GFM2: variants seen among roughly 807,000 people sequenced by gnomAD.
GFM2 encodes GTP dependent ribosome recycling factor mitochondrial 2.
Under a neutral mutation model 95.4 loss-of-function variants are expected in GFM2, and 72 were observed. The ratio of observed to expected loss-of-function variants is 0.76; its 90% CI spans 0.62 to 0.92. GFM2 has a LOEUF of 0.92. Ranked by LOEUF, GFM2 falls within the 40% of genes least tolerant of loss-of-function variation. The pLI, the probability that GFM2 is intolerant of heterozygous loss-of-function variation, is 0.00. For missense variants in GFM2, 825 were observed against 924.1 expected, an observed-to-expected ratio of 0.89 and a Z score of 1.39; for synonymous variants, 276 against 317.5, an observed-to-expected ratio of 0.87 and a Z score of 1.39.
chr5:74,728,751 T>TC (rs1282817638), intron 17 of GFM2, among the ~76,000 whole-genome samples: 1 of 90,256 alleles, frequency 1.1e-5, no homozygotes, highest in Non-Finnish European at 2.0e-5. Context: ...GGGGTTTCTT[T>TC]TTTTTTTTTT....
At chr5:74,759,216 G>GA (rs36114618) in intron 4 of GFM2, among the ~76,000 whole-genome samples, 153 bp downstream of exon 4, 3 of 150,498 alleles carry the variant, frequency 2.0e-5, no homozygotes, top group Non-Finnish European at 4.4e-5. Context: ...CATTAATTGA[G>GA]AAAAAATAGC....
intron 11 of GFM2, among the ~76,000 whole-genome samples, chr5:74,740,354 G>T (rs913230305): frequency 1.3e-5 from 2 of 152,032 alleles, no homozygotes; most frequent in African/African-American, 4.8e-5. Context: ...ATCCATATAA[G>T]CATTACCCCT....
At chr5:74,738,283 C>T in intron 14 of GFM2, 35 bp downstream of exon 14, 1 of 1,490,948 alleles carries the variant, frequency 6.7e-7, no homozygotes. Flanking sequence ...AATATTTAAG[C>T]TGTTATTTCC....
intron 19 of GFM2, among the ~76,000 whole-genome samples, chr5:74,724,692 T>C (rs900990310): frequency 6.6e-6 from 1 of 152,196 alleles, no homozygotes; most frequent in African/African-American, 2.4e-5. Context: ...GTTAGGGGTT[T>C]GGAATACTTA....
intron 8 of GFM2, 26 bp downstream of exon 8, chr5:74,747,666 A>G (rs1286113554): frequency 1.5e-6 from 2 of 1,357,636 alleles, no homozygotes; most frequent in Non-Finnish European, 2.1e-6. Context: ...TCACCCTGAT[A>G]AGCCAATGAA....
At chr5:74,736,453 T>C (rs533442758) in intron 15 of GFM2, 2 of 985,108 alleles carry the variant, frequency 2.0e-6, no homozygotes, top group African/African-American at 1.7e-5. Context: ...TTTTTATACA[T>C]GATGATGACA....
chr5:74,736,459 T>C (rs1331923317), intron 15 of GFM2: 3 of 985,084 alleles, frequency 3.0e-6, no homozygotes, highest in East Asian at 1.1e-4. Flanking sequence ...TACATGATGA[T>C]GACAAACTGA....
intron 17 of GFM2, among the ~76,000 whole-genome samples, chr5:74,726,543 C>T (rs1404726384): frequency 1.3e-5 from 2 of 152,110 alleles, no homozygotes; most frequent in East Asian, 3.8e-4. Context: ...ATCCTGACAA[C>T]CCACAAAATG....
intron 7 of GFM2, among the ~76,000 whole-genome samples, chr5:74,748,055 G>T (rs1010215811): frequency 6.6e-6 from 1 of 152,212 alleles, no homozygotes; most frequent in Non-Finnish European, 1.5e-5. Context: ...AACACCTCAG[G>T]AGGTACTGAG....
rs191778555 is a variant in GFM2 at position 74,735,234 on chromosome 5, C to T, written c.1510+1562G>A. Among the ~76,000 whole-genome samples the T allele has an allele frequency of 5.0e-4, 76 of 152,300 alleles. No individual in the cohort carries two copies. In the East Asian group the frequency reaches 0.014, roughly 27 times the overall value. Reference sequence around the variant, plus strand: ...AAAATTGCTGTTAGGCCCATTTTAACTTAAATGCTATTCCTTCAGCAAGTG... The same window carrying T: ...AAAATTGCTGTTAGGCCCATTTTAATTTAAATGCTATTCCTTCAGCAAGTG... On this transcript the variant is annotated intron_variant, in intron 15 of 20. Transcript: ENST00000296805.
At chr5:74,738,826 T>C (rs1742972722) in intron 12 of GFM2, among the ~76,000 whole-genome samples, 184 bp from the exon 13 acceptor site, 1 of 152,096 alleles carries the variant, frequency 6.6e-6, no homozygotes, top group Non-Finnish European at 1.5e-5. Flanking sequence ...GATCTTACCA[T>C]TAATTCCTCA....
chr5:74,742,889 A>G (rs558179876), intron 10 of GFM2, among the ~76,000 whole-genome samples: 2 of 152,188 alleles, frequency 1.3e-5, no homozygotes, highest in South Asian at 4.1e-4. Flanking sequence ...CGCTGGTCTC[A>G]AACTCCTGAC....
chr5:74,745,844 T>C lies in GFM2; in HGVS notation c.683A>G (p.Glu228Gly). 7 of 1,611,260 alleles carry C rather than the reference T, an allele frequency of 4.3e-6. No individual in the cohort carries two copies. The highest frequency in any genetic ancestry group is 5.9e-6 in the Non-Finnish European group (7 of 1,179,362). ...CACCACTCCTTTGAAAGTTTTGGCT[T>C]CACCAATTGGTAACTGTAAGTCAGA... is the stretch of plus-strand genomic sequence containing the variant. Reference protein sequence around the residue: ...KPLLLQLPIGEAKTFKGVVDV... With the variant: ...KPLLLQLPIGGAKTFKGVVDV... Residue 228 changes from glutamate to glycine, a missense_variant, in exon 10 of 21, where the codon GAA (glutamate) becomes GGA (glycine). Transcript: ENST00000296805.
chr5:74,737,012 C>T lies in GFM2; in HGVS notation c.1321-27G>A, dbSNP rs183890340. ...TGCAAGCAAACAAGATGACTTGGAA[C>T]GAAAGTGGCATTTAGCAAGCGCTCA... On this transcript the variant is annotated intron_variant, in intron 14 of 20. Coordinates refer to ENST00000296805, the MANE Select transcript of GFM2 (RefSeq NM_032380.5). 454 of 1,610,338 alleles carry T rather than the reference C, an allele frequency of 2.8e-4. 2 individuals carry two copies. In the East Asian group the frequency reaches 7.9e-3, roughly 28 times the overall value.
chr5:74,757,714 G>A (rs1175052646), intron 5 of GFM2, among the ~76,000 whole-genome samples: 1 of 111,820 alleles, frequency 8.9e-6, no homozygotes, highest in African/African-American at 3.5e-5. Flanking sequence ...GGGCAACAGA[G>A]CAAGAGCCTA....
In GFM2 at chr5:74,722,414, C is replaced by A; in HGVS notation, c.2176G>T (p.Val726Phe). The A allele has an allele frequency of 6.2e-7, 1 of 1,613,842 alleles. No individual in the cohort carries two copies. The highest frequency in any genetic ancestry group is 1.7e-4 in the Middle Eastern group (1 of 6,060). Residue 726 changes from valine (V) to phenylalanine (F), a missense_variant, in exon 20 of 21, where the codon GTT becomes TTT. Physicochemically the swap from Val to Phe is conservative, Grantham distance 50 (BLOSUM62 -1). Coordinates refer to ENST00000296805, the MANE Select transcript of GFM2 (RefSeq NM_032380.5). ...QEIQTRQDNKVVIGFVPLAEI... is the reference protein window; with the variant it reads ...QEIQTRQDNKFVIGFVPLAEI... ...GCTAAGGGAACAAATCCAATAACAA[C>A]TTTGTTGTCCTGGCGAGTCTGAATT...
At chr5:74,731,495 A>G (rs990257772) in intron 16 of GFM2, among the ~76,000 whole-genome samples, 2 of 152,180 alleles carry the variant, frequency 1.3e-5, no homozygotes, top group Admixed American at 6.5e-5. Context: ...CAAGAGGGTA[A>G]CATGTCCCTG....
intron 5 of GFM2, among the ~76,000 whole-genome samples, chr5:74,756,707 C>T (rs1302300668): frequency 6.6e-6 from 1 of 151,872 alleles, no homozygotes; most frequent in African/African-American, 2.4e-5. Flanking sequence ...TGGAATACTA[C>T]TCAGTCATAA....
intron 5 of GFM2, among the ~76,000 whole-genome samples, chr5:74,756,194 T>C (rs1336422105): frequency 6.6e-6 from 1 of 152,198 alleles, no homozygotes; most frequent in Non-Finnish European, 1.5e-5. Flanking sequence ...AAAATTGGCA[T>C]AGAAGGGACA....
Sources: gnomAD v4.1 joint callset for allele counts (sites outside exome capture counted in the v4.1 genomes callset) on GRCh38, gnomAD v4.1.1 for gene constraint, MANE v1.5 for transcripts, NCBI Gene and HGNC (gene_info 2026-07-23, HGNC 2026-07-21) for gene names.